Variants in SPEF2 observed in about 807,000 individuals in gnomAD.
The protein encoded by SPEF2 is sperm flagella and cilia-associated protein 2.
A neutral mutation model predicts 224.6 loss-of-function variants in SPEF2; 187 were observed. The observed-to-expected ratio is 0.83, with a 90% CI of 0.74 to 0.94. SPEF2 has a LOEUF of 0.94. Ranked by LOEUF, SPEF2 falls within the 40% of genes least tolerant of loss-of-function variation. The probability of loss-of-function intolerance (pLI) is 0.00; values close to 1 mark genes in which losing one functional copy is unlikely to be tolerated. For missense variants in SPEF2, 2,170 were observed against 2,135.6 expected (o/e 1.02, Z -0.32); for synonymous variants, 715 against 707.3 (o/e 1.01, Z -0.17).
At chr5:35,776,525 G>T (rs142124989) in intron 29 of SPEF2, 130 bp downstream of exon 29, 3 of 882,806 alleles carry the variant, frequency 3.4e-6, no homozygotes, top group African/African-American at 3.4e-5. Flanking sequence ...AGGAAATCAC[G>T]TGTATAAACA....
rs777875650 is a variant in SPEF2 at position 35,795,711 on chromosome 5, G to A, written c.4746G>A (p.Leu1582=). 6.2e-7 allele frequency: 1 copy of A among 1,613,104 alleles called. No homozygotes were observed. Among genetic ancestry groups the A allele is most frequent in the Non-Finnish European group, 8.5e-7 (1 of 1,179,598 alleles). The change falls in exon 33 of 37, where the codon CTG becomes CTA. Residue 1582 remains leucine (L), a synonymous_variant. Coordinates refer to ENST00000356031, the MANE Select transcript of SPEF2 (RefSeq NM_024867.4). ...ITFEQYMQAG[L]WFTGDEDIKI... ...TTTTATTTTTTATGTAGGCTGGTCT[G>A]TGGTTTACAGGAGATGAAGATATAA...
intron 10 of SPEF2, among the ~76,000 whole-genome samples, chr5:35,685,444 A>C (rs1018666198): frequency 4.6e-5 from 7 of 152,162 alleles, no homozygotes; most frequent in Admixed American, 3.3e-4. Flanking sequence ...TACTGATGAA[A>C]GAAAAGCAAG....
intron 10 of SPEF2, among the ~76,000 whole-genome samples, chr5:35,689,090 T>G (rs1754065812): frequency 6.6e-6 from 1 of 152,200 alleles, no homozygotes; most frequent in Non-Finnish European, 1.5e-5. Context: ...TTTACATTTC[T>G]GTTCAGTTAA....
At chr5:35,694,504 T>G in intron 13 of SPEF2, 141 bp downstream of exon 13, 1 of 642,194 alleles carries the variant, frequency 1.6e-6, no homozygotes, top group Non-Finnish European at 2.6e-6. Flanking sequence ...ATATGGCCAT[T>G]TGACAGAGGG....
At chr5:35,708,436 T>G (rs1301024377) in intron 18 of SPEF2, among the ~76,000 whole-genome samples, 1 of 151,916 alleles carries the variant, frequency 6.6e-6, no homozygotes, top group Non-Finnish European at 1.5e-5. Context: ...ATTAGCTACT[T>G]CTAGATTATC....
At chr5:35,666,957 C>T in intron 8 of SPEF2, 115 bp from the exon 9 acceptor site, 2 of 899,754 alleles carry the variant, frequency 2.2e-6, no homozygotes, top group Non-Finnish European at 3.3e-6. Flanking sequence ...TAATTTTTTT[C>T]CTGGTGTGAG....
intron 23 of SPEF2, among the ~76,000 whole-genome samples, chr5:35,743,315 A>G (rs1169314173): frequency 6.6e-6 from 1 of 152,134 alleles, no homozygotes; most frequent in Non-Finnish European, 1.5e-5. Flanking sequence ...TATTAAACTT[A>G]AAATTCAATC....
chr5:35,688,643 T>C (rs1006528201), intron 10 of SPEF2, among the ~76,000 whole-genome samples: 2 of 152,182 alleles, frequency 1.3e-5, no homozygotes, highest in Non-Finnish European at 1.5e-5. Context: ...ATACTGGATA[T>C]GAGTACCTGT....
chr5:35,659,906 A>C (rs1028135464), intron 8 of SPEF2, among the ~76,000 whole-genome samples: 2 of 152,070 alleles, frequency 1.3e-5, no homozygotes, highest in Non-Finnish European at 2.9e-5. Flanking sequence ...TGAAAAAAAA[A>C]AAAAGAGATT....
intron 10 of SPEF2, chr5:35,683,939 G>C (rs545269755): frequency 6.6e-6 from 1 of 152,166 alleles, no homozygotes; most frequent in Admixed American, 6.5e-5. Context: ...CACAGAAAGA[G>C]TATCTCGTTA....
At chr5:35,702,836 T>G (rs1432344527) in intron 16 of SPEF2, among the ~76,000 whole-genome samples, 2 of 152,148 alleles carry the variant, frequency 1.3e-5, no homozygotes, top group Admixed American at 1.3e-4. Context: ...ATAATATATG[T>G]AACAGCTTTT....
rs1439719746 is a variant in SPEF2 at position 35,697,797 on chromosome 5, T to C, written c.2141+4T>C. 4 of 1,596,400 alleles carry C rather than the reference T, an allele frequency of 2.5e-6. No homozygotes were observed. In the African/African-American group the frequency reaches 5.4e-5, roughly 21 times the overall value. ...ACATCATAGTAAATGCTATTAAGTA[T>C]GTATTGCATTTTTCTTCCTCTCATC... On this transcript the variant is annotated splice_donor_region_variant and intron_variant, in intron 15 of 36. Coordinates refer to ENST00000356031, the MANE Select transcript of SPEF2 (RefSeq NM_024867.4).
chr5:35,748,674 G>A (rs1177209306), intron 23 of SPEF2, among the ~76,000 whole-genome samples: 1 of 152,088 alleles, frequency 6.6e-6, no homozygotes, highest in African/African-American at 2.4e-5. Flanking sequence ...GATTGAAATG[G>A]TAATTTAAAA....
At chr5:35,673,534 C>A (rs1471164167) in intron 10 of SPEF2, among the ~76,000 whole-genome samples, 1 of 152,202 alleles carries the variant, frequency 6.6e-6, no homozygotes, top group Non-Finnish European at 1.5e-5. Flanking sequence ...AAGCACTCAA[C>A]CATTTTCAGA....
intron 10 of SPEF2, chr5:35,671,483 G>A (rs542049507): frequency 1.0e-6 from 1 of 980,844 alleles, no homozygotes; most frequent in Non-Finnish European, 1.2e-6. Flanking sequence ...TCCACCTAAA[G>A]TATAATGCCA....
chr5:35,736,033 C>T (rs1401640529), intron 21 of SPEF2, among the ~76,000 whole-genome samples: 1 of 152,090 alleles, frequency 6.6e-6, no homozygotes, highest in Middle Eastern at 3.2e-3. Flanking sequence ...CTTCAAAAGG[C>T]TTGTGGAAAA....
At chr5:35,751,316 G>A (rs1749610773) in intron 23 of SPEF2, among the ~76,000 whole-genome samples, 2 of 143,610 alleles carry the variant, frequency 1.4e-5, no homozygotes, top group Non-Finnish European at 1.5e-5. Context: ...GGACTTGGGG[G>A]GAAGAGTGGG....
rs935755778 is a variant in SPEF2, at chr5:35,668,810, G to A, written c.1356-1249G>A. Among the ~76,000 whole-genome samples the A allele has an allele frequency of 4.6e-5, 7 of 151,946 alleles. 1 individual carries two copies. The South Asian group carries it at 1.0e-3, about 23-fold the overall frequency. On this transcript the variant is annotated intron_variant, in intron 9 of 36. Coordinates refer to ENST00000356031, the MANE Select transcript of SPEF2 (RefSeq NM_024867.4). ...TCTTCTATAGTTTTTTTCAAAATAT[G>A]TGGACTACTTTAGTGGGTTGCAATC...
In SPEF2 at chr5:35,759,668, G is replaced by T. The variant is rs762547827; in HGVS notation, c.3569G>T (p.Arg1190Leu). 2.2e-5 allele frequency: 35 copies of T among 1,609,212 alleles called. No homozygotes were observed. Among genetic ancestry groups the T allele is most frequent in the Non-Finnish European group, 3.0e-5 (35 of 1,176,868 alleles). Residue 1190 changes from arginine (R) to leucine (L), a missense_variant, in exon 25 of 37, where the codon CGA (arginine) becomes CTA (leucine). Transcript: ENST00000356031. ...GTAGAGGACAACAAGAGATTTACTC[G>T]AATCCCTTTGGTCCAACTGGATAGT... Reference protein sequence around the residue: ...IPVEDNKRFTRIPLVQLDSKD... With the variant: ...IPVEDNKRFTLIPLVQLDSKD...
Sources: gnomAD v4.1 joint callset for allele counts (sites outside exome capture counted in the v4.1 genomes callset) on GRCh38, gnomAD v4.1.1 for gene constraint, MANE v1.5 for transcripts, NCBI Gene and HGNC (gene_info 2026-07-23, HGNC 2026-07-21) for gene names.